Variants in CNTN5 observed in about 807,000 individuals in gnomAD.
The protein encoded by CNTN5 is contactin 5.
A neutral mutation model predicts 129.1 loss-of-function variants in CNTN5; 77 were observed. The observed-to-expected ratio is 0.60, with a 90% CI of 0.50 to 0.72. CNTN5 has a LOEUF of 0.72. CNTN5 is among the 30% of genes least tolerant of loss of function. The pLI, the probability that CNTN5 is intolerant of heterozygous loss-of-function variation, is 0.00. For synonymous variants in CNTN5, 509 were observed against 465.6 expected (o/e 1.09, Z -1.20); for missense variants, 1,478 against 1,328.8 (o/e 1.11, Z -1.75).
intron 6 of CNTN5, among the ~76,000 whole-genome samples, chr11:99,871,444 AAAT>A (rs1948500586): frequency 6.6e-6 from 1 of 152,060 alleles, no homozygotes; most frequent in Non-Finnish European, 1.5e-5. Flanking sequence ...AACTTGGAAA[AAAT>A]GATTTTCTTC....
intron 3 of CNTN5, among the ~76,000 whole-genome samples, chr11:99,740,671 G>A (rs767631017): frequency 1.2e-4 from 18 of 152,106 alleles, no homozygotes; most frequent in Non-Finnish European, 2.4e-4. Context: ...GCAGGCATCA[G>A]GTATAATTAT....
intron 1 of CNTN5, among the ~76,000 whole-genome samples, chr11:99,298,461 C>T (rs1197970619): frequency 2.6e-5 from 4 of 152,128 alleles, no homozygotes; most frequent in Non-Finnish European, 4.4e-5. Flanking sequence ...GACACTCAGC[C>T]ACTGTTAACA....
Position 99,754,738 on chromosome 11 carries a change from C to G in CNTN5, c.56-64806C>G, listed in dbSNP as rs894345187. ...CTGAACCAGAGTGGTACACTTGTTA[C>G]AGTCTGTGAGCCACATTTGACACAT... On this transcript the variant is annotated intron_variant, in intron 3 of 24. Coordinates refer to ENST00000524871, the MANE Select transcript of CNTN5 (RefSeq NM_014361.4). 9.2e-5 allele frequency among the ~76,000 whole-genome samples: 14 copies of G among 152,284 alleles called. No homozygotes were observed. In the East Asian group the frequency reaches 2.5e-3, roughly 27 times the overall value.
At chr11:99,481,592 C>T (rs1945602989) in intron 2 of CNTN5, among the ~76,000 whole-genome samples, 1 of 152,270 alleles carries the variant, frequency 6.6e-6, no homozygotes, top group South Asian at 2.1e-4. Context: ...ACAACTTAAT[C>T]ACTCAGTATT....
chr11:99,058,721 C>G lies in CNTN5; in HGVS notation c.-210+37451C>G, dbSNP rs375799799. On this transcript the variant is annotated intron_variant, in intron 1 of 24. Transcript: ENST00000524871. ...ATTTGGCCAGGTTCCTTTTTCTGCCCAAAGTCTTCCTTCATTGTCATTAAT... is the reference window on the plus strand; with the variant it reads ...ATTTGGCCAGGTTCCTTTTTCTGCCGAAAGTCTTCCTTCATTGTCATTAAT... Among the ~76,000 whole-genome samples the G allele has an allele frequency of 2.9e-4, 44 of 151,658 alleles. 1 individual carries two copies. The East Asian group carries it at 4.1e-3, about 14-fold the overall frequency.
chr11:99,753,946 C>A (rs569172182), intron 3 of CNTN5, among the ~76,000 whole-genome samples: 3 of 150,322 alleles, frequency 2.0e-5, no homozygotes, highest in East Asian at 2.0e-4. Context: ...CCTCAGCCCC[C>A]CAAAGTTCTG....
intron 8 of CNTN5, among the ~76,000 whole-genome samples, chr11:99,989,588 G>A (rs1034661102): frequency 6.6e-6 from 1 of 151,136 alleles, no homozygotes; most frequent in Non-Finnish European, 1.5e-5. Context: ...TTTAAATTAT[G>A]AACTTATTGT....
chr11:99,688,443 C>T (rs1195263660), intron 3 of CNTN5, among the ~76,000 whole-genome samples: 1 of 152,138 alleles, frequency 6.6e-6, no homozygotes, highest in Non-Finnish European at 1.5e-5. Flanking sequence ...GAATTATTTA[C>T]AAAGTCTTAC....
At chr11:99,902,783 AAGATTATT>A (rs1259752919) in intron 6 of CNTN5, among the ~76,000 whole-genome samples, 520 of 152,308 alleles carry the variant, frequency 3.4e-3, no homozygotes, top group African/African-American at 0.012. Flanking sequence ...GTATTACCCA[AAGATTATT>A]TTACATACTA....
intron 1 of CNTN5, among the ~76,000 whole-genome samples, chr11:99,261,897 C>T (rs1264406499): frequency 6.6e-6 from 1 of 151,952 alleles, no homozygotes; most frequent in East Asian, 1.9e-4. Context: ...CTTCCTAAGC[C>T]AAATCATGAG....
At chr11:99,755,278 T>C (rs556010970) in intron 3 of CNTN5, among the ~76,000 whole-genome samples, 10 of 152,300 alleles carry the variant, frequency 6.6e-5, no homozygotes, top group African/African-American at 2.4e-4. Flanking sequence ...TAAGAGTATG[T>C]TAACTTTGTA....
chr11:99,388,982 C>CTTATTTTATTTTATT (rs527528323), intron 2 of CNTN5, among the ~76,000 whole-genome samples: 6,681 of 120,370 alleles, frequency 0.056, 329 homozygotes, highest in South Asian at 0.12. Flanking sequence ...TTCTCCAGTC[C>CTTATTTTATTTTATT]TTATTTTATT....
rs115616844 is a variant in CNTN5 at position 100,160,458 on chromosome 11, A to G, written c.1581-30668A>G. 8.8e-3 allele frequency among the ~76,000 whole-genome samples: 1,345 copies of G among 152,112 alleles called. 27 individuals carry two copies. The highest frequency in any genetic ancestry group is 0.03 in the African/African-American group (1,253 of 41,534). On this transcript the variant is annotated intron_variant, in intron 13 of 24. Transcript: ENST00000524871. ...CCCAGTAATGGGATTGCTCGGACAAATCACAACATGTATATTTGTAACAGA... is the reference window on the plus strand; with the variant it reads ...CCCAGTAATGGGATTGCTCGGACAAGTCACAACATGTATATTTGTAACAGA...
At chr11:99,943,647 T>C (rs1348570466) in intron 7 of CNTN5, among the ~76,000 whole-genome samples, 1 of 147,074 alleles carries the variant, frequency 6.8e-6, no homozygotes. Flanking sequence ...GGTTTTCTTC[T>C]AGGGTTTTTA....
At chr11:100,038,023 T>C in intron 9 of CNTN5, among the ~76,000 whole-genome samples, 1 of 152,074 alleles carries the variant, frequency 6.6e-6, no homozygotes, top group Non-Finnish European at 1.5e-5. Context: ...TTGAATGTGT[T>C]TGCTCTTGCT....
At chr11:99,423,750 C>G (rs544566358) in intron 2 of CNTN5, among the ~76,000 whole-genome samples, 2 of 151,950 alleles carry the variant, frequency 1.3e-5, no homozygotes, top group East Asian at 3.9e-4. Flanking sequence ...AACAGGTTCC[C>G]TGGTGATGCC....
chr11:99,475,650 G>C (rs890010691), intron 2 of CNTN5, among the ~76,000 whole-genome samples: 1 of 151,874 alleles, frequency 6.6e-6, no homozygotes, highest in African/African-American at 2.4e-5. Context: ...TTTTAAGCCT[G>C]TAATGGAAAT....
At chr11:99,762,868 T>C (rs930155173) in intron 3 of CNTN5, among the ~76,000 whole-genome samples, 24 of 152,156 alleles carry the variant, frequency 1.6e-4, no homozygotes, top group Non-Finnish European at 2.6e-4. Flanking sequence ...ATTTTCCACA[T>C]CCTTAAGATT....
intron 3 of CNTN5, among the ~76,000 whole-genome samples, chr11:99,591,952 A>AT (rs1038760445): frequency 8.5e-5 from 13 of 152,288 alleles, no homozygotes; most frequent in African/African-American, 3.1e-4. Flanking sequence ...AAAAGTAACA[A>AT]TTTTTTTAAG....
Sources: gnomAD v4.1 joint callset for allele counts (sites outside exome capture counted in the v4.1 genomes callset) on GRCh38, gnomAD v4.1.1 for gene constraint, MANE v1.5 for transcripts, NCBI Gene and HGNC (gene_info 2026-07-23, HGNC 2026-07-21) for gene names.